Variants in RAB38 observed in about 807,000 individuals in gnomAD.
RAB38 encodes RAB38, member RAS oncogene family.
A neutral mutation model predicts 18.4 loss-of-function variants in RAB38; 15 were observed. The ratio of observed to expected loss-of-function variants is 0.82; its 90% confidence interval spans 0.55 to 1.26. The LOEUF (loss-of-function observed/expected upper bound fraction) is 1.26, where lower values mean the gene tolerates loss of function less well. Among genes scored for constraint, RAB38 ranks in the 50% most tolerant of loss-of-function variants. The pLI is 0.00. For synonymous variants in RAB38, 101 were observed against 104.4 expected, an observed-to-expected ratio of 0.97 and a Z score of 0.20; for missense variants, 294 against 267.4, an observed-to-expected ratio of 1.10 and a Z score of -0.69.
the RAB38 span, among the ~76,000 whole-genome samples, chr11:88,060,542 C>A: frequency 6.6e-6 from 1 of 152,112 alleles, no homozygotes; most frequent in Non-Finnish European, 1.5e-5. Flanking sequence ...AGAGGTCAAG[C>A]AACTTGCCCA....
chr11:87,813,558 G>C, the RAB38 span, among the ~76,000 whole-genome samples: 11 of 151,234 alleles, frequency 7.3e-5, no homozygotes, highest in African/African-American at 2.4e-4. Flanking sequence ...GTTTTATGCT[G>C]TTGCTTATAG....
the RAB38 span, among the ~76,000 whole-genome samples, chr11:87,862,024 C>T: frequency 6.6e-6 from 1 of 151,742 alleles, no homozygotes; most frequent in Non-Finnish European, 1.5e-5. Flanking sequence ...CAGTGGCTGG[C>T]AAGGTTGTGG....
the RAB38 span, among the ~76,000 whole-genome samples, chr11:87,873,908 A>ATGTGTGTG: frequency 1.0e-5 from 1 of 99,236 alleles, no homozygotes; most frequent in East Asian, 2.8e-4. Flanking sequence ...ATATATATAT[A>ATGTGTGTG]TGTGTGTGTG....
chr11:87,905,603 A>G, the RAB38 span, among the ~76,000 whole-genome samples: 1 of 151,894 alleles, frequency 6.6e-6, no homozygotes, highest in Non-Finnish European at 1.5e-5. Context: ...CTGAAGTGTC[A>G]TTTAATTATC....
chr11:87,857,391 G>T, the RAB38 span, among the ~76,000 whole-genome samples: 1 of 152,154 alleles, frequency 6.6e-6, no homozygotes. Context: ...TAATGGGATG[G>T]CTGGGTCAAA....
At chr11:87,849,538 C>T in the RAB38 span, among the ~76,000 whole-genome samples, 2 of 152,092 alleles carry the variant, frequency 1.3e-5, no homozygotes, top group Non-Finnish European at 2.9e-5. Flanking sequence ...ATCAGAGAGA[C>T]AGTTTCAGCA....
the RAB38 span, among the ~76,000 whole-genome samples, chr11:88,074,477 CT>C: frequency 1.3e-5 from 2 of 152,124 alleles, no homozygotes; most frequent in Non-Finnish European, 2.9e-5. Context: ...GCTGTCATCT[CT>C]TTAAATAACT....
the RAB38 span, among the ~76,000 whole-genome samples, chr11:87,847,651 G>T: frequency 2.0e-5 from 3 of 152,064 alleles, no homozygotes; most frequent in Non-Finnish European, 4.4e-5. Context: ...TGGTGGGAAG[G>T]TACACAGGAG....
the RAB38 span, among the ~76,000 whole-genome samples, chr11:87,829,202 A>G: frequency 1.3e-5 from 2 of 152,190 alleles, no homozygotes; most frequent in Non-Finnish European, 2.9e-5. Flanking sequence ...CACATAGAAA[A>G]TTTAGGGAAG....
the RAB38 span, among the ~76,000 whole-genome samples, chr11:87,811,740 AT>A: frequency 6.6e-6 from 1 of 152,086 alleles, no homozygotes; most frequent in African/African-American, 2.4e-5. Flanking sequence ...GTCACCAGGG[AT>A]TATATTTATT....
chr11:88,043,602 ACCCCCCCACCC>A, the RAB38 span, among the ~76,000 whole-genome samples: 24 of 114,032 alleles, frequency 2.1e-4, no homozygotes, highest in South Asian at 6.5e-4. Flanking sequence ...GCACCTTGTG[ACCCCCCCACCC>A]TGCCCACCGA....
At chr11:88,095,844 C>T in the RAB38 span, among the ~76,000 whole-genome samples, 1 of 151,834 alleles carries the variant, frequency 6.6e-6, no homozygotes, top group South Asian at 2.1e-4. Context: ...CTTTGGATTG[C>T]CCTTAATTCC....
the RAB38 span, among the ~76,000 whole-genome samples, chr11:87,953,209 C>T: frequency 3.3e-5 from 5 of 152,232 alleles, no homozygotes; most frequent in South Asian, 1.0e-3. Flanking sequence ...GTGGAGCTTA[C>T]ATTCTCTGGG....
chr11:88,048,798 C>T, the RAB38 span, among the ~76,000 whole-genome samples: 8 of 152,286 alleles, frequency 5.3e-5, no homozygotes, highest in East Asian at 7.7e-4. Context: ...CTGGTCCTAT[C>T]CCCAAACCGC....
the RAB38 span, among the ~76,000 whole-genome samples, chr11:87,898,180 C>T: frequency 1.3e-5 from 2 of 151,654 alleles, no homozygotes; most frequent in African/African-American, 2.4e-5. Context: ...AATACCTGAC[C>T]TTCACCAGGG....
At chr11:87,845,643 G>A in the RAB38 span, among the ~76,000 whole-genome samples, 67 of 152,204 alleles carry the variant, frequency 4.4e-4, no homozygotes, top group Middle Eastern at 0.01. Flanking sequence ...GTATATGGCT[G>A]AATGCTTTCA....
At chr11:88,123,411 T>A (rs1038909441) in intron 2 of RAB38, among the ~76,000 whole-genome samples, 8 of 152,230 alleles carry the variant, frequency 5.3e-5, no homozygotes, top group Non-Finnish European at 8.8e-5. Context: ...AAAATAATTT[T>A]AGACATGGGT....
chr11:87,852,239 T>G, the RAB38 span, among the ~76,000 whole-genome samples: 806 of 152,258 alleles, frequency 5.3e-3, 3 homozygotes, highest in Non-Finnish European at 8.1e-3. Context: ...TGAGGTTGTA[T>G]GACCTACTCT....
At chr11:88,018,464 A>G in the RAB38 span, among the ~76,000 whole-genome samples, 1 of 151,960 alleles carries the variant, frequency 6.6e-6, no homozygotes, top group African/African-American at 2.4e-5. Flanking sequence ...CAATAACCCC[A>G]TTTATCTATT....
Sources: gnomAD v4.1 joint callset for allele counts (sites outside exome capture counted in the v4.1 genomes callset) on GRCh38, gnomAD v4.1.1 for gene constraint, MANE v1.5 for transcripts, NCBI Gene and HGNC (gene_info 2026-07-23, HGNC 2026-07-21) for gene names.